Variants in ZFAND3 observed in about 807,000 individuals in gnomAD.
ZFAND3 encodes zinc finger AN1-type containing 3.
ZFAND3 carries 10 observed loss-of-function variants against 29.6 expected under a neutral mutation model. The observed-to-expected ratio is 0.34, with a 90% CI of 0.21 to 0.57. The LOEUF is 0.57. Among genes scored for constraint, ZFAND3 ranks in the 20% least tolerant of loss-of-function variants. The probability of loss-of-function intolerance (pLI) is 0.86; values close to 1 mark genes in which losing one functional copy is unlikely to be tolerated. For missense variants in ZFAND3, 230 were observed against 304.5 expected, an observed-to-expected ratio of 0.76 and a Z score of 1.82; for synonymous variants, 128 against 112.6, an observed-to-expected ratio of 1.14 and a Z score of -0.87.
chr6:37,826,328 G>T (rs1763759451), intron 1 of ZFAND3, among the ~76,000 whole-genome samples: 1 of 152,262 alleles, frequency 6.6e-6, no homozygotes, highest in South Asian at 2.1e-4. Context: ...TTTTTCTAGG[G>T]TTTCTGAGGA....
chr6:38,149,216 TG>T (rs1766171034), intron 5 of ZFAND3, among the ~76,000 whole-genome samples: 2 of 151,894 alleles, frequency 1.3e-5, no homozygotes, highest in South Asian at 4.2e-4. Context: ...GAGACCAGCC[TG>T]GGCAACATAG....
chr6:38,047,034 G>A (rs969014624), intron 2 of ZFAND3, among the ~76,000 whole-genome samples: 2 of 151,882 alleles, frequency 1.3e-5, no homozygotes, highest in African/African-American at 4.8e-5. Context: ...TTTGAAATAC[G>A]ACTTCTGGCC....
chr6:37,894,583 G>GTTGTC (rs1765164279), intron 1 of ZFAND3, among the ~76,000 whole-genome samples: 1 of 151,924 alleles, frequency 6.6e-6, no homozygotes, highest in Non-Finnish European at 1.5e-5. Flanking sequence ...TGTTGTCCAG[G>GTTGTC]CTGGTCTCAA....
At chr6:38,061,489 A>C in intron 2 of ZFAND3, 104 bp from the exon 3 acceptor site, 1 of 1,358,822 alleles carries the variant, frequency 7.4e-7, no homozygotes, top group Non-Finnish European at 1.0e-6. Context: ...ATCAGTCTTT[A>C]TTATTGGTGT....
chr6:37,941,983 C>G (rs1761818788), intron 2 of ZFAND3, among the ~76,000 whole-genome samples: 1 of 152,134 alleles, frequency 6.6e-6, no homozygotes, highest in Admixed American at 6.6e-5. Context: ...TTCCATATTA[C>G]AATCTAATTC....
chr6:38,137,353 G>A (rs1765861739), intron 5 of ZFAND3, among the ~76,000 whole-genome samples: 1 of 152,256 alleles, frequency 6.6e-6, no homozygotes, highest in Non-Finnish European at 1.5e-5. Flanking sequence ...TGTGGTGATG[G>A]TGTTCTCCTG....
At chr6:38,028,828 TA>T (rs1407016103) in intron 2 of ZFAND3, among the ~76,000 whole-genome samples, 85 of 152,322 alleles carry the variant, frequency 5.6e-4, no homozygotes, top group Non-Finnish European at 1.1e-3. Flanking sequence ...TATTACAGAG[TA>T]TAGCTAGGTG....
intron 2 of ZFAND3, among the ~76,000 whole-genome samples, chr6:37,958,271 T>C (rs533700641): frequency 6.6e-6 from 1 of 152,232 alleles, no homozygotes; most frequent in South Asian, 2.1e-4. Context: ...CAGGCCAACA[T>C]GGGGAAACCC....
intron 1 of ZFAND3, among the ~76,000 whole-genome samples, chr6:37,846,960 C>G (rs1278753784): frequency 1.3e-5 from 2 of 152,042 alleles, no homozygotes; most frequent in East Asian, 1.9e-4. Context: ...ATCTGCCTGC[C>G]TCAGCCTCCC....
intron 2 of ZFAND3, among the ~76,000 whole-genome samples, chr6:37,941,291 C>G (rs72850831): frequency 6.6e-6 from 1 of 152,132 alleles, no homozygotes; most frequent in South Asian, 2.1e-4. Flanking sequence ...ATAGATTAGT[C>G]GGGATTGTAC....
intron 5 of ZFAND3, among the ~76,000 whole-genome samples, chr6:38,151,364 T>C (rs968187087): frequency 3.9e-5 from 6 of 152,226 alleles, no homozygotes; most frequent in African/African-American, 1.4e-4. Flanking sequence ...CCTGCGCTTC[T>C]GGGAGGGAAA....
chr6:38,098,621 C>T (rs1439045823), intron 4 of ZFAND3, among the ~76,000 whole-genome samples: 3 of 152,060 alleles, frequency 2.0e-5, no homozygotes, highest in Admixed American at 6.5e-5. Flanking sequence ...CTGCCTCAGC[C>T]TCCCAAGTAG....
At chr6:37,932,743 A>G (rs1405096498) in intron 2 of ZFAND3, among the ~76,000 whole-genome samples, 1 of 152,196 alleles carries the variant, frequency 6.6e-6, no homozygotes, top group Non-Finnish European at 1.5e-5. Context: ...TGGACTTGTT[A>G]CAGTTTTACT....
intron 2 of ZFAND3, among the ~76,000 whole-genome samples, chr6:38,011,257 T>C (rs1763147973): frequency 6.6e-6 from 1 of 152,224 alleles, no homozygotes; most frequent in Admixed American, 6.5e-5. Flanking sequence ...TCTGTAGACC[T>C]TTGAGTACAG....
chr6:38,099,692 A>G (rs531227062), intron 4 of ZFAND3, among the ~76,000 whole-genome samples: 1 of 152,354 alleles, frequency 6.6e-6, no homozygotes, highest in South Asian at 2.1e-4. Flanking sequence ...TTACTTTAGC[A>G]AGGAGTAAAG....
At chr6:38,102,796 C>T (rs1765119625) in intron 4 of ZFAND3, among the ~76,000 whole-genome samples, 1 of 151,934 alleles carries the variant, frequency 6.6e-6, no homozygotes, top group African/African-American at 2.4e-5. Flanking sequence ...TTGCTCTGTC[C>T]CCCAGGCTGG....
intron 1 of ZFAND3, among the ~76,000 whole-genome samples, chr6:37,919,784 G>A (rs1441550485): frequency 1.3e-5 from 2 of 152,096 alleles, no homozygotes; most frequent in Non-Finnish European, 2.9e-5. Context: ...GTTTAAAACC[G>A]AATCCTCCCC....
intron 2 of ZFAND3, among the ~76,000 whole-genome samples, chr6:37,930,210 A>G (rs751974931): frequency 6.6e-6 from 1 of 152,132 alleles, no homozygotes; most frequent in Non-Finnish European, 1.5e-5. Context: ...ATGAAATCCT[A>G]TCTCCTATGT....
intron 2 of ZFAND3, among the ~76,000 whole-genome samples, chr6:37,975,284 T>C (rs991389189): frequency 5.3e-5 from 8 of 152,210 alleles, no homozygotes; most frequent in African/African-American, 1.9e-4. Flanking sequence ...TCTTCTTTGT[T>C]CAACCGTTGA....
Sources: allele counts gnomAD v4.1 joint callset (sites outside exome capture counted in the v4.1 genomes callset), GRCh38; gene constraint gnomAD v4.1.1; transcripts MANE v1.5; gene names NCBI Gene and HGNC (gene_info 2026-07-23, HGNC 2026-07-21).